CPLANE1: variants seen among roughly 807,000 people sequenced by gnomAD.
CPLANE1 encodes the protein ciliogenesis and planar polarity effector 1.
Under a neutral mutation model 362.5 loss-of-function variants are expected in CPLANE1, and 263 were observed. That is an observed-to-expected ratio of 0.73 (90% CI 0.66 to 0.80). CPLANE1 has a LOEUF of 0.80. Among genes scored for constraint, CPLANE1 ranks in the 30% least tolerant of loss-of-function variants. The pLI is 0.00. For missense variants in CPLANE1, 3,461 were observed against 3,793.4 expected (o/e 0.91, Z 2.30); for synonymous variants, 1,212 against 1,302.6 (o/e 0.93, Z 1.50).
intron 16 of CPLANE1, chr5:37,211,115 G>C: frequency 9.3e-7 from 1 of 1,072,094 alleles, no homozygotes; most frequent in Admixed American, 1.7e-5. Context: ...ACAATGGTGA[G>C]ATAAGTGGGG....
At chr5:37,094,130 T>C in the CPLANE1 span, among the ~76,000 whole-genome samples, 1 of 152,044 alleles carries the variant, frequency 6.6e-6, no homozygotes, top group Non-Finnish European at 1.5e-5. Context: ...GGCCAGAGAG[T>C]CAGGGCTGTG....
chr5:37,221,260 G>T, intron 15 of CPLANE1, 64 bp downstream of exon 15: 1 of 1,126,800 alleles, frequency 8.9e-7, no homozygotes, highest in Non-Finnish European at 1.2e-6. Context: ...TTGAAGCCAG[G>T]CTGGCAACAT....
At chr5:37,185,582 A>G (rs2151187506) in intron 24 of CPLANE1, among the ~76,000 whole-genome samples, 1 of 152,264 alleles carries the variant, frequency 6.6e-6, no homozygotes, top group South Asian at 2.1e-4. Context: ...CATAAACAGA[A>G]TATTTTAGAG....
chr5:37,146,395 T>C (rs1580154433), intron 43 of CPLANE1, among the ~76,000 whole-genome samples: 1 of 152,184 alleles, frequency 6.6e-6, no homozygotes, highest in South Asian at 2.1e-4. Flanking sequence ...GCCAGGCTGG[T>C]TTCGAACTCC....
At chr5:37,166,158 T>C (rs889212148) in intron 35 of CPLANE1, among the ~76,000 whole-genome samples, 5 of 152,230 alleles carry the variant, frequency 3.3e-5, no homozygotes, top group African/African-American at 1.2e-4. Context: ...TGACAGATTT[T>C]ACAGTCTGAT....
intron 51 of CPLANE1, among the ~76,000 whole-genome samples, chr5:37,113,539 A>G (rs1165413839): frequency 6.6e-6 from 1 of 152,222 alleles, no homozygotes; most frequent in East Asian, 1.9e-4. Context: ...AAAGTGATCC[A>G]AACGACCAGA....
At chr5:37,190,107 G>A (rs781678476) in intron 21 of CPLANE1, among the ~76,000 whole-genome samples, 4 of 152,062 alleles carry the variant, frequency 2.6e-5, no homozygotes, top group Non-Finnish European at 5.9e-5. Flanking sequence ...GTATTACCTT[G>A]CTATAAAATC....
chr5:37,093,986 G>A, the CPLANE1 span, among the ~76,000 whole-genome samples: 10 of 134,512 alleles, frequency 7.4e-5, no homozygotes, highest in South Asian at 9.3e-4. Context: ...GATCATTTGC[G>A]GGCAGGATAG....
At chr5:37,098,164 C>A in the CPLANE1 span, among the ~76,000 whole-genome samples, 1 of 151,694 alleles carries the variant, frequency 6.6e-6, no homozygotes, top group Admixed American at 6.6e-5. Context: ...GAGGCCGAGG[C>A]GGGTGGATCA....
chr5:37,136,842 G>A (rs899176731), intron 46 of CPLANE1, among the ~76,000 whole-genome samples: 1 of 152,240 alleles, frequency 6.6e-6, no homozygotes, highest in Non-Finnish European at 1.5e-5. Flanking sequence ...AGAGAGGATA[G>A]GATGCAGGGC....
chr5:37,196,278 T>G (rs1294357578), intron 20 of CPLANE1, among the ~76,000 whole-genome samples: 3 of 152,158 alleles, frequency 2.0e-5, no homozygotes, highest in African/African-American at 7.2e-5. Flanking sequence ...CTTTCCTCAC[T>G]GGCATAGCAA....
At chr5:37,195,155 A>G (rs1786961845) in intron 21 of CPLANE1, among the ~76,000 whole-genome samples, 1 of 143,562 alleles carries the variant, frequency 7.0e-6, no homozygotes, top group Non-Finnish European at 1.5e-5. Flanking sequence ...ACTCCATCTC[A>G]AAAAAAAAAA....
At chr5:37,157,220 T>C in intron 41 of CPLANE1, 93 bp downstream of exon 41, 1 of 580,072 alleles carries the variant, frequency 1.7e-6, no homozygotes, top group East Asian at 6.4e-5. Flanking sequence ...CAACCCTTTT[T>C]CTGGTTTCTT....
rs145037745 is a variant in CPLANE1, at chr5:37,181,852, G to A, written c.5422-847C>T. Among the ~76,000 whole-genome samples, 282 of 151,136 alleles carry A rather than the reference G, an allele frequency of 1.9e-3. 2 individuals are homozygous for A. Among genetic ancestry groups the A allele is most frequent in the African/African-American group, 6.7e-3 (275 of 41,088 alleles). ...TCACACCTGTAATCCCAGCACTTTG[G>A]GAGGCCGAGGCGGGCGGATCACAAG... On this transcript the variant is annotated intron_variant, in intron 26 of 52. Coordinates refer to ENST00000651892, the MANE Select transcript of CPLANE1 (RefSeq NM_001384732.1).
chr5:37,093,568 C>T, the CPLANE1 span, among the ~76,000 whole-genome samples: 36 of 152,252 alleles, frequency 2.4e-4, no homozygotes, highest in African/African-American at 8.2e-4. Context: ...CCTGGTTAGA[C>T]CCCCACTCCT....
At chr5:37,157,986 C>CAAGGA (rs1279249974) in intron 39 of CPLANE1, 118 bp from the exon 40 acceptor site, 3 of 505,868 alleles carry the variant, frequency 5.9e-6, no homozygotes, top group Non-Finnish European at 8.7e-6. Context: ...TTATTAAAAA[C>CAAGGA]AAGGAAAGAA....
intron 14 of CPLANE1, among the ~76,000 whole-genome samples, chr5:37,224,038 T>A (rs949155432): frequency 1.3e-5 from 2 of 152,178 alleles, no homozygotes; most frequent in Admixed American, 6.6e-5. Flanking sequence ...TATTCATGAG[T>A]GTCAAGTTGC....
chr5:37,133,077 T>C (rs888774483), intron 46 of CPLANE1, among the ~76,000 whole-genome samples: 1 of 152,228 alleles, frequency 6.6e-6, no homozygotes, highest in Non-Finnish European at 1.5e-5. Context: ...AAAGATCAGA[T>C]GGCTGTAGGT....
chr5:37,166,758 G>C (rs1235199129), intron 35 of CPLANE1, among the ~76,000 whole-genome samples: 2 of 152,126 alleles, frequency 1.3e-5, no homozygotes, highest in Non-Finnish European at 2.9e-5. Context: ...CCAAATATTT[G>C]AGCAGCAAAT....
Sources: allele counts gnomAD v4.1 joint callset (sites outside exome capture counted in the v4.1 genomes callset), GRCh38; gene constraint gnomAD v4.1.1; transcripts MANE v1.5; gene names NCBI Gene and HGNC (gene_info 2026-07-23, HGNC 2026-07-21).